DNAJB4: variants seen among roughly 807,000 people sequenced by gnomAD.
DNAJB4 encodes the protein DnaJ heat shock protein family (Hsp40) member B4.
In DNAJB4, 10 loss-of-function variants were observed where a neutral mutation model predicts 26.6. The observed-to-expected ratio is 0.38, with a 90% confidence interval of 0.23 to 0.64. The LOEUF (loss-of-function observed/expected upper bound fraction) is 0.64. Among genes scored for constraint, DNAJB4 ranks in the 30% least tolerant of loss-of-function variants. The pLI, the probability that DNAJB4 is intolerant of heterozygous loss-of-function variation, is 0.58. For synonymous variants in DNAJB4, 136 were observed against 134.8 expected (o/e 1.01, Z -0.06); for missense variants, 328 against 408.2 (o/e 0.80, Z 1.69).
upstream of DNAJB4, chr1:77,980,110 C>G (rs1367113457): frequency 2.0e-5 from 3 of 152,202 alleles, no homozygotes; most frequent in African/African-American, 7.2e-5. Flanking sequence ...GTCTCGATCT[C>G]GTGACCTCGT....
chr1:78,004,982 G>T lies in DNAJB4; in HGVS notation c.-129G>T. Reference sequence around the variant, plus strand: ...GCTGTCTGCTTGCTGCCTTAAGACAGCTAGCTGAATTGCTGATTAACTTTT... The same window carrying T: ...GCTGTCTGCTTGCTGCCTTAAGACATCTAGCTGAATTGCTGATTAACTTTT... On this transcript the variant is annotated 5_prime_UTR_variant, in exon 1 of 3. Coordinates refer to ENST00000370763, the MANE Select transcript of DNAJB4 (RefSeq NM_007034.5). The T allele has an allele frequency of 2.2e-6, 2 of 926,004 alleles. No individual in the cohort carries two copies. Among genetic ancestry groups the T allele is most frequent in the Non-Finnish European group, 3.3e-6 (2 of 599,634 alleles). The allele number at this position is 926,004 out of a possible 1,614,324, so 57.4% of individuals were successfully genotyped here.
chr1:78,013,314 C>A lies in DNAJB4; in HGVS notation c.475C>A (p.Pro159Thr), dbSNP rs1158427568. 1 of 1,613,946 alleles carries A rather than the reference C, an allele frequency of 6.2e-7. No homozygotes were observed. Among genetic ancestry groups the A allele is most frequent in the East Asian group, 2.2e-5 (1 of 44,896 alleles). ...GCCATCCCGCCTCAAACAAGATCCT[C>A]CAGTTATTCATGAACTTAGAGTATC... Reference protein sequence around the residue: ...VGPSRLKQDPPVIHELRVSLE... With the variant: ...VGPSRLKQDPTVIHELRVSLE... Residue 159 changes from proline to threonine, a missense_variant, in exon 2 of 3, where the codon CCA becomes ACA. Transcript: ENST00000370763.
At chr1:78,009,624 ATTACT>A (rs1660416914) in intron 1 of DNAJB4, among the ~76,000 whole-genome samples, 2 of 152,254 alleles carry the variant, frequency 1.3e-5, no homozygotes, top group African/African-American at 4.8e-5. Context: ...TTAATGTGAC[ATTACT>A]TATAATTTTA....
At chr1:77,990,490 A>G (rs966419669) in intron 1 of DNAJB4, among the ~76,000 whole-genome samples, 5 of 152,180 alleles carry the variant, frequency 3.3e-5, no homozygotes, top group Admixed American at 6.5e-5. Flanking sequence ...AATTTACCTT[A>G]TATTATCTTA....
intron 1 of DNAJB4, among the ~76,000 whole-genome samples, chr1:77,983,305 A>G (rs1407655005): frequency 1.3e-5 from 2 of 152,172 alleles, no homozygotes; most frequent in Admixed American, 1.3e-4. Flanking sequence ...ATCGGGTTTT[A>G]TACCGAGACA....
chr1:78,013,104 A>G lies in DNAJB4; in HGVS notation c.265A>G (p.Thr89Ala). The change falls in exon 2 of 3, where the codon ACC (threonine) becomes GCC (alanine). Residue 89 changes from threonine to alanine, a missense_variant. By Grantham distance (58) the Thr-to-Ala change is moderately conservative (BLOSUM62 0). Coordinates refer to ENST00000370763, the MANE Select transcript of DNAJB4 (RefSeq NM_007034.5). ...TDGQGGTFRY[T>A]FHGDPHATFA... is the part of the protein sequence containing the mutation. ...TGGACAAGGAGGTACCTTCCGGTAC[A>G]CCTTTCATGGCGATCCTCATGCTAC... 1 of 1,613,964 alleles carries G rather than the reference A, an allele frequency of 6.2e-7. No individual in the cohort carries two copies. Among genetic ancestry groups the G allele is most frequent in the South Asian group, 1.1e-5 (1 of 91,060 alleles).
chr1:78,013,657 T>C, intron 2 of DNAJB4, 38 bp downstream of exon 2: 1 of 1,445,108 alleles, frequency 6.9e-7, no homozygotes, highest in Non-Finnish European at 9.3e-7. Flanking sequence ...GACCAAATAA[T>C]TATGTAGTTG....
intron 2 of DNAJB4, 102 bp downstream of exon 2, chr1:78,013,721 C>A: frequency 1.1e-6 from 1 of 896,448 alleles, no homozygotes; most frequent in Non-Finnish European, 1.7e-6. Context: ...GCCTATTATA[C>A]GTTAAAAATA....
At chr1:77,980,704 T>C (rs1053484520) in intron 1 of DNAJB4, among the ~76,000 whole-genome samples, 5 of 152,196 alleles carry the variant, frequency 3.3e-5, no homozygotes, top group African/African-American at 1.2e-4. Flanking sequence ...GCTGCATTCT[T>C]TCTGAAAACC....
At chr1:77,989,525 T>A (rs999940830) in intron 1 of DNAJB4, among the ~76,000 whole-genome samples, 5 of 152,220 alleles carry the variant, frequency 3.3e-5, no homozygotes, top group African/African-American at 1.2e-4. Context: ...CTCATAGAAT[T>A]CTGAGAGACT....
At chr1:77,997,716 T>TCA (rs1660096130) in intron 1 of DNAJB4, among the ~76,000 whole-genome samples, 1 of 152,180 alleles carries the variant, frequency 6.6e-6, no homozygotes, top group Non-Finnish European at 1.5e-5. Context: ...ATGACTTTGC[T>TCA]CACAATTTTC....
chr1:78,005,814 T>G (rs1449998424), intron 1 of DNAJB4, among the ~76,000 whole-genome samples: 1 of 152,226 alleles, frequency 6.6e-6, no homozygotes, highest in Non-Finnish European at 1.5e-5. Context: ...GCCTTTCTTA[T>G]AGCAAGGCTA....
chr1:77,998,072 C>A (rs1660106885), intron 1 of DNAJB4, among the ~76,000 whole-genome samples: 1 of 152,154 alleles, frequency 6.6e-6, no homozygotes, highest in Non-Finnish European at 1.5e-5. Context: ...ACCGCACCGG[C>A]CTCTGTTTGA....
At chr1:78,004,569 G>A (rs929661173), upstream of DNAJB4, 3 of 152,160 alleles carry the variant, frequency 2.0e-5, no homozygotes, top group African/African-American at 7.2e-5. Context: ...TAGAATTGTC[G>A]TTCCTTTTAT....
chr1:78,012,154 C>CTTTTTTT lies in DNAJB4; in HGVS notation c.212-893_212-892insTTTTTTT, dbSNP rs1324763074. Among the ~76,000 whole-genome samples the CTTTTTTT allele has an allele frequency of 5.4e-3, 371 of 69,332 alleles. 26 individuals carry two copies. The highest frequency in any genetic ancestry group is 0.011 in the African/African-American group (195 of 17,384). The allele number at this position is 69,332 out of a possible 152,430, so 45.5% of individuals were successfully genotyped here. ...CCCAGTTTTATTTTCTTTTTCTTTT[C>CTTTTTTT]TTTTCTTTTTTTTTTTTTTTTTTTT... On this transcript the variant is annotated intron_variant, in intron 1 of 2. Transcript: ENST00000370763.
intron 1 of DNAJB4, among the ~76,000 whole-genome samples, chr1:77,985,143 GACA>G (rs1659762472): frequency 6.6e-6 from 1 of 152,154 alleles, no homozygotes. Flanking sequence ...AACATTTACT[GACA>G]ACATTTCCTT....
chr1:77,982,946 A>G (rs1659694087), intron 1 of DNAJB4, among the ~76,000 whole-genome samples: 1 of 152,230 alleles, frequency 6.6e-6, no homozygotes, highest in Admixed American at 6.5e-5. Flanking sequence ...CGTAAGGTGG[A>G]ACGAGAGACT....
chr1:77,993,401 CCTCCCGGGTTTAAACAATT>C (rs1659983476), intron 1 of DNAJB4, among the ~76,000 whole-genome samples: 1 of 152,086 alleles, frequency 6.6e-6, no homozygotes, highest in Non-Finnish European at 1.5e-5. Flanking sequence ...TGAACCTCCA[CCTCCCGGGTTTAAACAATT>C]CTCCTGCCTC....
At position 77,991,708 on chromosome 1, in the gene DNAJB4, A is replaced by G. The variant is rs1422785848; in HGVS notation, c.-32+11386A>G. Among the ~76,000 whole-genome samples the G allele has an allele frequency of 2.6e-5, 4 of 152,092 alleles. No individual in the cohort carries two copies. The South Asian group carries it at 8.3e-4, about 31-fold the overall frequency. On this transcript the variant is annotated intron_variant, in intron 1 of 2. Coordinates refer to the DNAJB4 transcript ENST00000426517. ...GGTCCATTTAGTGCCACATTTTTGTATTTTTGTGCTTTTTTTTTATTGGTG... is the reference window on the plus strand; with the variant it reads ...GGTCCATTTAGTGCCACATTTTTGTGTTTTTGTGCTTTTTTTTTATTGGTG...
Sources: allele counts gnomAD v4.1 joint callset (sites outside exome capture counted in the v4.1 genomes callset), GRCh38; gene constraint gnomAD v4.1.1; transcripts MANE v1.5; gene names NCBI Gene and HGNC (gene_info 2026-07-23, HGNC 2026-07-21).